Variants in THAP6 observed in about 807,000 individuals in gnomAD.
THAP6 encodes THAP domain-containing protein 6.
A neutral mutation model predicts 20.0 loss-of-function variants in THAP6; 13 were observed. The observed-to-expected ratio is 0.65, with a 90% confidence interval of 0.42 to 1.03. The LOEUF is 1.03. Among genes scored for constraint, THAP6 ranks in the 50% least tolerant of loss-of-function variants. The pLI is 0.00. For missense variants in THAP6, 262 were observed against 261.6 expected (o/e 1.00, Z -0.01); for synonymous variants, 93 against 92.2 (o/e 1.01, Z -0.05).
rs1726483888 is a variant in THAP6 at position 75,527,952 on chromosome 4, A to C, written c.*738A>C. The C allele has an allele frequency of 1.0e-6, 1 of 985,400 alleles. No individual in the cohort carries two copies. Among genetic ancestry groups the C allele is most frequent in the Non-Finnish European group, 1.2e-6 (1 of 829,888 alleles). The allele number at this position is 985,400 out of a possible 1,614,324, so 61.0% of individuals were successfully genotyped here. A position where few individuals can be genotyped will look rare whatever the true frequency, so the allele number is the denominator to read the frequency against. On this transcript the variant is annotated 3_prime_UTR_variant, in exon 5 of 5. Transcript: ENST00000311638. ...TGGTTGGTTGCTCTGACAGATCTGA[A>C]CACTTTGCTTCATGACTATTTCGTC... is the stretch of plus-strand genomic sequence containing the variant.
chr4:75,541,780 A>T lies in THAP6; in HGVS notation c.166-629A>T, dbSNP rs572236196. On this transcript the variant is annotated intron_variant, in intron 2 of 4. Transcript: ENST00000502620. ...AGACCAGCCTGGCCAACATGGCAAG[A>T]CCTCGTCTCTACTAAAAATACAAAC... Among the ~76,000 whole-genome samples, 26 of 152,214 alleles carry T rather than the reference A, an allele frequency of 1.7e-4. 2 individuals carry two copies. In the South Asian group the frequency reaches 5.2e-3, roughly 30 times the overall value.
At chr4:75,540,795 C>T (rs1051446674) in intron 2 of THAP6, among the ~76,000 whole-genome samples, 29 of 152,036 alleles carry the variant, frequency 1.9e-4, no homozygotes, top group Non-Finnish European at 3.5e-4. Context: ...GATTTTATAA[C>T]GGTATAAAAT....
intron 2 of THAP6, chr4:75,539,809 G>C: frequency 1.3e-6 from 2 of 1,535,254 alleles, no homozygotes; most frequent in Non-Finnish European, 1.7e-6. Flanking sequence ...CATACAATGA[G>C]CCATCCACAT....
chr4:75,534,908 C>G (rs542852488), downstream of THAP6, among the ~76,000 whole-genome samples: 321 of 152,236 alleles, frequency 2.1e-3, no homozygotes, highest in Admixed American at 5.2e-3. Flanking sequence ...AGTCAGGAAA[C>G]GACAGGTGCT....
downstream of THAP6, among the ~76,000 whole-genome samples, chr4:75,535,023 A>G (rs1263249731): frequency 2.6e-5 from 4 of 152,160 alleles, no homozygotes; most frequent in Non-Finnish European, 4.4e-5. Flanking sequence ...AACTAGAAAT[A>G]CCATTTGACC....
chr4:75,543,614 A>G (rs916439944), intron 3 of THAP6, among the ~76,000 whole-genome samples: 9 of 152,260 alleles, frequency 5.9e-5, no homozygotes, highest in African/African-American at 2.2e-4. Context: ...ATGCTATGCT[A>G]TGATTGGCAG....
At position 75,527,243 on chromosome 4, in the gene THAP6, A is replaced by AT. The variant is rs899946108; in HGVS notation, c.*31dup. ...AATTTCATGTTACGTTCCACCTAAA[A>AT]TTGTCATTGGTACAAATTTTTATAA... is the stretch of plus-strand genomic sequence containing the variant. On this transcript the variant is annotated 3_prime_UTR_variant, in exon 5 of 5. Transcript: ENST00000311638. The AT allele has an allele frequency of 1.9e-6, 3 of 1,584,650 alleles. No individual in the cohort carries two copies. Among genetic ancestry groups the AT allele is most frequent in the Non-Finnish European group, 2.6e-6 (3 of 1,163,942 alleles).
rs762413697 is a variant in THAP6, at chr4:75,516,890, A to G, written c.199A>G (p.Lys67Glu). ...KGDVLCSRHF[K>E]KTDFDRSAPN... is the part of the protein sequence containing the mutation. Reference sequence around the variant, plus strand: ...AGATGTGTTGTGTTCGAGGCACTTTAAGAAGACAGATTTTGACAGAAGTGC... The same window carrying G: ...AGATGTGTTGTGTTCGAGGCACTTTGAGAAGACAGATTTTGACAGAAGTGC... The change falls in exon 3 of 5, where the codon AAG becomes GAG. Residue 67 changes from lysine (K) to glutamate (E), a missense_variant. Transcript: ENST00000311638. 5 of 1,614,150 alleles carry G rather than the reference A, an allele frequency of 3.1e-6. No individual in the cohort carries two copies. In the South Asian group the frequency reaches 5.5e-5, roughly 18 times the overall value.
intron 3 of THAP6, chr4:75,517,711 A>C (rs1414656918): frequency 6.6e-6 from 1 of 152,276 alleles, no homozygotes; most frequent in Non-Finnish European, 1.5e-5. Context: ...CAAAAGGAAG[A>C]AAACCAAAAA....
At chr4:75,531,715 G>A (rs932574614), downstream of THAP6, among the ~76,000 whole-genome samples, 13 of 151,998 alleles carry the variant, frequency 8.6e-5, no homozygotes, top group African/African-American at 3.1e-4. Context: ...CAGAAGGCAA[G>A]GAGGAGCAAG....
chr4:75,528,130 G>A lies in THAP6; in HGVS notation c.*916G>A, dbSNP rs1484994762. The A allele has an allele frequency of 9.1e-6, 9 of 984,960 alleles. No individual in the cohort carries two copies. The highest frequency in any genetic ancestry group is 8.4e-6 in the Non-Finnish European group (7 of 829,626). 61.0% of individuals were successfully genotyped at this position (984,960 alleles called of 1,614,324 possible). On this transcript the variant is annotated 3_prime_UTR_variant, in exon 5 of 5. Transcript: ENST00000311638. ...GAAATTAATAACTGTGGCTCTTCCAGTTGAAATAGGAATTGGAGAGAAAGG... is the reference window on the plus strand; with the variant it reads ...GAAATTAATAACTGTGGCTCTTCCAATTGAAATAGGAATTGGAGAGAAAGG...
intron 2 of THAP6, among the ~76,000 whole-genome samples, chr4:75,541,556 CAG>C (rs1727003399): frequency 6.7e-6 from 1 of 149,954 alleles, no homozygotes; most frequent in Non-Finnish European, 1.5e-5. Flanking sequence ...GGAACAGAGA[CAG>C]AGAGTGCACA....
chr4:75,523,800 C>CAAAAAA (rs74684663), intron 4 of THAP6, among the ~76,000 whole-genome samples: 35 of 72,560 alleles, frequency 4.8e-4, no homozygotes, highest in African/African-American at 7.4e-4. Context: ...GAACCTGTCT[C>CAAAAAA]AAAAAAAAAA....
Position 75,529,860 on chromosome 4 carries a change from G to A in THAP6, c.*2646G>A. ...TTTAAATTTCTGGAAATAGACTTTG[G>A]TTGCTAATGACAATTACAGTTATAC... On this transcript the variant is annotated 3_prime_UTR_variant, in exon 5 of 5. Coordinates refer to ENST00000311638, the MANE Select transcript of THAP6 (RefSeq NM_144721.6). 1.0e-6 allele frequency: 1 copy of A among 985,074 alleles called. No homozygotes were observed. The highest frequency in any genetic ancestry group is 1.2e-6 in the Non-Finnish European group (1 of 829,666). 61.0% of individuals were successfully genotyped at this position (985,074 alleles called of 1,614,324 possible).
At chr4:75,523,414 GTTGA>G (rs1726157968) in intron 4 of THAP6, among the ~76,000 whole-genome samples, 1 of 152,176 alleles carries the variant, frequency 6.6e-6, no homozygotes. Context: ...TCTTCACTTT[GTTGA>G]TTGTTTCCTT....
chr4:75,539,733 A>G (rs1213914434), intron 2 of THAP6: 31 of 1,389,898 alleles, frequency 2.2e-5, no homozygotes, highest in Non-Finnish European at 2.8e-5. Context: ...AGCACTTACA[A>G]AGTAGACAAT....
intron 4 of THAP6, among the ~76,000 whole-genome samples, chr4:75,523,962 T>C (rs1726202889): frequency 6.6e-6 from 1 of 152,200 alleles, no homozygotes; most frequent in African/African-American, 2.4e-5. Flanking sequence ...AGTAGGGGTC[T>C]AGTTTAGTTT....
At chr4:75,541,390 A>G (rs1369864158) in intron 2 of THAP6, among the ~76,000 whole-genome samples, 1 of 152,244 alleles carries the variant, frequency 6.6e-6, no homozygotes, top group Non-Finnish European at 1.5e-5. Context: ...TCAAAATAGT[A>G]TCTCACTTAT....
chr4:75,532,733 C>G (rs933483568), downstream of THAP6, among the ~76,000 whole-genome samples: 1 of 152,228 alleles, frequency 6.6e-6, no homozygotes, highest in Non-Finnish European at 1.5e-5. Flanking sequence ...GGCTCAACAT[C>G]ATATGGAAGC....
Sources: gnomAD v4.1 joint callset for allele counts (sites outside exome capture counted in the v4.1 genomes callset) on GRCh38, gnomAD v4.1.1 for gene constraint, MANE v1.5 for transcripts, NCBI Gene and HGNC (gene_info 2026-07-23, HGNC 2026-07-21) for gene names.